The following COMMD1 variants were observed in gnomAD, a reference collection of about 807,000 sequenced individuals.
COMMD1 encodes the protein copper metabolism domain containing 1.
COMMD1 carries 10 observed loss-of-function variants against 17.2 expected under a neutral mutation model. The observed-to-expected ratio is 0.58, with a 90% confidence interval of 0.36 to 0.99. The LOEUF (loss-of-function observed/expected upper bound fraction) is 0.99. Among genes scored for constraint, COMMD1 ranks in the 50% least tolerant of loss-of-function variants. The pLI is 0.01. For missense variants in COMMD1, 270 were observed against 231.8 expected (o/e 1.17, Z -1.07); for synonymous variants, 97 against 91.6 (o/e 1.06, Z -0.34).
intron 2 of COMMD1, among the ~76,000 whole-genome samples, chr2:62,117,300 T>C (rs1399917436): frequency 6.6e-6 from 1 of 152,242 alleles, no homozygotes; most frequent in Admixed American, 6.5e-5. Flanking sequence ...CATAAAGTGG[T>C]TTTCATAGGC....
chr2:61,973,016 TTATA>T (rs1671695357), intron 1 of COMMD1, among the ~76,000 whole-genome samples: 2 of 152,066 alleles, frequency 1.3e-5, no homozygotes, highest in Non-Finnish European at 2.9e-5. Flanking sequence ...AAATACTACT[TTATA>T]TATTTGTCTG....
intron 1 of COMMD1, among the ~76,000 whole-genome samples, chr2:61,896,514 C>T (rs937527939): frequency 6.6e-6 from 1 of 152,080 alleles, no homozygotes; most frequent in South Asian, 2.1e-4. Flanking sequence ...CCTAGAAGTT[C>T]GAGGTTGCAG....
chr2:62,035,643 G>A (rs1180047161), intron 2 of COMMD1, among the ~76,000 whole-genome samples: 1 of 151,756 alleles, frequency 6.6e-6, no homozygotes, highest in East Asian at 1.9e-4. Flanking sequence ...GGAGGCTTGG[G>A]TGGGAGGATC....
chr2:62,004,058 G>A (rs752398043), intron 2 of COMMD1, among the ~76,000 whole-genome samples: 4 of 152,096 alleles, frequency 2.6e-5, no homozygotes, highest in Non-Finnish European at 4.4e-5. Flanking sequence ...AGCCCGGAAG[G>A]CGGAGGTTGC....
At chr2:62,064,429 C>T (rs1490258632) in intron 2 of COMMD1, among the ~76,000 whole-genome samples, 1 of 152,198 alleles carries the variant, frequency 6.6e-6, no homozygotes, top group Non-Finnish European at 1.5e-5. Context: ...CCACCTTGGC[C>T]TCCCAAAGTG....
intron 2 of COMMD1, among the ~76,000 whole-genome samples, chr2:62,082,978 GC>G (rs1452334722): frequency 6.6e-6 from 1 of 151,884 alleles, no homozygotes; most frequent in Non-Finnish European, 1.5e-5. Context: ...GTTAAATTTG[GC>G]CAGGCACAGT....
intron 2 of COMMD1, among the ~76,000 whole-genome samples, chr2:62,099,587 TA>T (rs1008148777): frequency 3.3e-5 from 5 of 151,794 alleles, no homozygotes; most frequent in African/African-American, 9.7e-5. Context: ...TTTTTTTTTT[TA>T]AGAGCAATTG....
chr2:61,968,064 G>A (rs961154991), intron 1 of COMMD1, among the ~76,000 whole-genome samples: 2 of 152,198 alleles, frequency 1.3e-5, no homozygotes, highest in Non-Finnish European at 2.9e-5. Context: ...GGGAGGCTGA[G>A]GCAGGAGAAC....
At chr2:61,900,095 T>C (rs1200155680) in intron 1 of COMMD1, among the ~76,000 whole-genome samples, 1 of 152,216 alleles carries the variant, frequency 6.6e-6, no homozygotes, top group Non-Finnish European at 1.5e-5. Context: ...TTTTTAGATA[T>C]TTATTCAGGG....
At chr2:62,129,941 C>T (rs1166332155) in intron 2 of COMMD1, among the ~76,000 whole-genome samples, 1 of 151,964 alleles carries the variant, frequency 6.6e-6, no homozygotes, top group African/African-American at 2.4e-5. Context: ...TTTGGGAGGC[C>T]GAGGCGGGTG....
intron 1 of COMMD1, among the ~76,000 whole-genome samples, chr2:61,891,528 G>C (rs1369307071): frequency 6.6e-6 from 1 of 152,096 alleles, no homozygotes; most frequent in Non-Finnish European, 1.5e-5. Flanking sequence ...AGGAGTTCAA[G>C]ACCAGCCTGG....
intron 1 of COMMD1, among the ~76,000 whole-genome samples, chr2:61,981,306 C>T (rs1033015125): frequency 2.6e-5 from 4 of 152,146 alleles, no homozygotes; most frequent in Admixed American, 2.6e-4. Flanking sequence ...GTCTCTCATC[C>T]ATTTTGATTT....
intron 1 of COMMD1, among the ~76,000 whole-genome samples, chr2:61,923,397 T>C (rs1572965853): frequency 6.6e-6 from 1 of 152,200 alleles, no homozygotes; most frequent in Middle Eastern, 3.4e-3. Context: ...AGGAAAACAC[T>C]GTGTATTTCT....
intron 2 of COMMD1, among the ~76,000 whole-genome samples, chr2:62,125,253 G>C (rs1378056327): frequency 6.6e-6 from 1 of 152,248 alleles, no homozygotes; most frequent in Non-Finnish European, 1.5e-5. Context: ...CTGAGGCACT[G>C]CTCTGTTCAT....
At chr2:62,008,624 A>AT (rs1669192436) in intron 2 of COMMD1, among the ~76,000 whole-genome samples, 4 of 152,162 alleles carry the variant, frequency 2.6e-5, no homozygotes, top group Admixed American at 2.6e-4. Flanking sequence ...TTTAAGGTTG[A>AT]TTTTTACTTT....
chr2:61,955,312 T>TTCTCTCTCTCTC (rs70946770), intron 1 of COMMD1, among the ~76,000 whole-genome samples: 85 of 145,472 alleles, frequency 5.8e-4, no homozygotes, highest in African/African-American at 2.0e-3. Context: ...CTCTCTCTCT[T>TTCTCTCTCTCTC]TCTCTCTCTC....
At chr2:61,956,228 A>C (rs1263041689) in intron 1 of COMMD1, among the ~76,000 whole-genome samples, 2 of 152,182 alleles carry the variant, frequency 1.3e-5, no homozygotes, top group South Asian at 4.1e-4. Flanking sequence ...CCAAGAGACT[A>C]TCCTTTCTCC....
intron 2 of COMMD1, among the ~76,000 whole-genome samples, chr2:62,081,158 A>G (rs533813048): frequency 9.2e-5 from 14 of 152,278 alleles, no homozygotes; most frequent in African/African-American, 2.9e-4. Context: ...AGAAGGTTGT[A>G]ATAGTTCACA....
intron 1 of COMMD1, among the ~76,000 whole-genome samples, chr2:61,953,268 C>T (rs1341143960): frequency 6.6e-6 from 1 of 152,162 alleles, no homozygotes; most frequent in Non-Finnish European, 1.5e-5. Context: ...CCTCGGCCTC[C>T]CAACGTGCTG....
Sources: gnomAD v4.1 joint callset for allele counts (sites outside exome capture counted in the v4.1 genomes callset) on GRCh38, gnomAD v4.1.1 for gene constraint, MANE v1.5 for transcripts, NCBI Gene and HGNC (gene_info 2026-07-23, HGNC 2026-07-21) for gene names.